CPE: variants seen among roughly 807,000 people sequenced by gnomAD.
The protein encoded by CPE is carbocypeptidase E.
In CPE, 17 loss-of-function variants were observed where a neutral mutation model predicts 53.5. The ratio of observed to expected loss-of-function variants is 0.32; its 90% CI spans 0.22 to 0.48. The LOEUF (loss-of-function observed/expected upper bound fraction) is 0.48. Ranked by LOEUF, CPE falls within the 20% of genes least tolerant of loss-of-function variation. The pLI, the probability that CPE is intolerant of heterozygous loss-of-function variation, is 0.99. For missense variants in CPE, 524 were observed against 614.7 expected, an observed-to-expected ratio of 0.85 and a Z score of 1.56; for synonymous variants, 226 against 228.8, an observed-to-expected ratio of 0.99 and a Z score of 0.11.
intron 6 of CPE, among the ~76,000 whole-genome samples, chr4:165,490,294 G>C (rs933500884): frequency 6.6e-6 from 1 of 152,176 alleles, no homozygotes; most frequent in Non-Finnish European, 1.5e-5. Flanking sequence ...CCACTCAGTA[G>C]CTTTGAAAGA....
At chr4:165,442,951 G>A (rs1213479025) in intron 1 of CPE, among the ~76,000 whole-genome samples, 1 of 152,176 alleles carries the variant, frequency 6.6e-6, no homozygotes, top group African/African-American at 2.4e-5. Flanking sequence ...GGAGACTTTA[G>A]ATTTCATGAA....
chr4:165,456,590 G>A (rs186881756), intron 1 of CPE, among the ~76,000 whole-genome samples: 1 of 150,610 alleles, frequency 6.6e-6, no homozygotes, highest in Admixed American at 6.6e-5. Flanking sequence ...TTGTTTCGAC[G>A]GAGTCTTGCT....
At chr4:165,493,580 G>T (rs976901955) in intron 7 of CPE, among the ~76,000 whole-genome samples, 2 of 152,202 alleles carry the variant, frequency 1.3e-5, no homozygotes, top group African/African-American at 4.8e-5. Flanking sequence ...CAAAGGAAAA[G>T]GAGCTGCTGG....
At chr4:165,427,380 C>T (rs1235338452) in intron 1 of CPE, among the ~76,000 whole-genome samples, 1 of 137,144 alleles carries the variant, frequency 7.3e-6, no homozygotes, top group African/African-American at 2.7e-5. Context: ...ATAATTTTGT[C>T]CAACCTTTTT....
intron 5 of CPE, among the ~76,000 whole-genome samples, chr4:165,487,180 G>C (rs1442018320): frequency 1.3e-5 from 2 of 152,170 alleles, no homozygotes; most frequent in Non-Finnish European, 2.9e-5. Context: ...TGGAAGGTGG[G>C]TAATGTCTGC....
intron 1 of CPE, among the ~76,000 whole-genome samples, chr4:165,445,766 A>G (rs1243543612): frequency 6.6e-6 from 1 of 152,140 alleles, no homozygotes; most frequent in African/African-American, 2.4e-5. Flanking sequence ...CAAAAATATT[A>G]TTTTCGGTTC....
chr4:165,491,226 A>C (rs1216279840), intron 6 of CPE, among the ~76,000 whole-genome samples: 1 of 152,382 alleles, frequency 6.6e-6, no homozygotes. Context: ...ATTTCTGCCT[A>C]ATACAGGCAA....
In CPE at chr4:165,379,576, C is replaced by T; in HGVS notation, c.307+48C>T. 2 of 665,220 alleles carry T rather than the reference C, an allele frequency of 3.0e-6. No individual in the cohort carries two copies. The highest frequency in any genetic ancestry group is 6.2e-5 in the South Asian group (2 of 32,070). The allele number at this position is 665,220 out of a possible 1,614,324, so 41.2% of individuals were successfully genotyped here. On this transcript the variant is annotated intron_variant, in intron 1 of 8. Transcript: ENST00000402744. This position sits in a 1 kb window ranked among gnomAD's most constrained non-coding sequence, Gnocchi z 6.0. ...GCCCTGGGGGCATCCCGGAGGGGGGCGGCAGAGGGTGGGACTGGTGGCGGT... is the reference window on the plus strand; with the variant it reads ...GCCCTGGGGGCATCCCGGAGGGGGGTGGCAGAGGGTGGGACTGGTGGCGGT...
At chr4:165,417,763 A>G (rs1731148658) in intron 1 of CPE, among the ~76,000 whole-genome samples, 1 of 147,364 alleles carries the variant, frequency 6.8e-6, no homozygotes, top group Non-Finnish European at 1.5e-5. Flanking sequence ...CAACTTTAAT[A>G]TTTTGTCTGT....
chr4:165,453,194 G>A (rs533680378), intron 1 of CPE, among the ~76,000 whole-genome samples: 5 of 152,048 alleles, frequency 3.3e-5, no homozygotes, highest in Admixed American at 1.3e-4. Context: ...TCCTGACCTC[G>A]TGATCCGCCC....
chr4:165,433,837 C>T (rs1731453114), intron 1 of CPE, among the ~76,000 whole-genome samples: 1 of 152,162 alleles, frequency 6.6e-6, no homozygotes, highest in Non-Finnish European at 1.5e-5. Flanking sequence ...TGCTGCTGCT[C>T]AAGGACATGC....
In CPE at chr4:165,409,953, C is replaced by CA. The variant is rs964578680; in HGVS notation, c.307+30433dup. On this transcript the variant is annotated intron_variant, in intron 1 of 8. Coordinates refer to ENST00000402744, the MANE Select transcript of CPE (RefSeq NM_001873.4). Reference sequence around the variant, plus strand: ...AACACAAAAAACACAGACAAACAAACAAAAAAAACAGAGGCCAGGTGCAGT... The same window carrying CA: ...AACACAAAAAACACAGACAAACAAACAAAAAAAAACAGAGGCCAGGTGCAGT... Among the ~76,000 whole-genome samples the CA allele has an allele frequency of 1.5e-4, 22 of 151,302 alleles. No homozygotes were observed. The South Asian group carries it at 1.5e-3, about 10-fold the overall frequency.
chr4:165,420,098 C>T (rs1731183858), intron 1 of CPE, among the ~76,000 whole-genome samples: 1 of 151,952 alleles, frequency 6.6e-6, no homozygotes, highest in East Asian at 1.9e-4. Flanking sequence ...TCTCAAAGGG[C>T]TAGTGCTATC....
At chr4:165,406,208 C>T (rs562553860) in intron 1 of CPE, 14 of 669,600 alleles carry the variant, frequency 2.1e-5, no homozygotes, top group Non-Finnish European at 2.6e-5. Context: ...CTATCACATC[C>T]CCTTTGACTC....
intron 1 of CPE, among the ~76,000 whole-genome samples, chr4:165,415,519 T>A (rs892088817): frequency 2.6e-5 from 4 of 152,190 alleles, no homozygotes; most frequent in African/African-American, 9.6e-5. Context: ...ATTTTCACTA[T>A]GAGTAAAAGC....
intron 1 of CPE, among the ~76,000 whole-genome samples, chr4:165,425,176 C>T (rs911599319): frequency 1.3e-5 from 2 of 152,090 alleles, no homozygotes; most frequent in East Asian, 1.9e-4. Flanking sequence ...CTGTGCCAGG[C>T]GGAAACTTCT....
In CPE at chr4:165,422,117, A is replaced by C. The variant is rs554284658; in HGVS notation, c.308-42273A>C. 6.6e-5 allele frequency among the ~76,000 whole-genome samples: 10 copies of C among 152,280 alleles called. No individual in the cohort carries two copies. In the East Asian group the frequency reaches 1.9e-3, roughly 29 times the overall value. On this transcript the variant is annotated intron_variant, in intron 1 of 8. Transcript: ENST00000402744. ...TATTCAATGATTAAAAGAACTTAAA[A>C]ATAAAGAACTTATTTGTGTAGAGGA...
intron 1 of CPE, among the ~76,000 whole-genome samples, chr4:165,415,460 A>G (rs1038588075): frequency 3.3e-5 from 5 of 152,150 alleles, no homozygotes; most frequent in African/African-American, 9.7e-5. Flanking sequence ...TCTTAGCATT[A>G]TTTCCTTTAA....
Position 165,396,034 on chromosome 4 carries a change from G to C in CPE, c.307+16506G>C, listed in dbSNP as rs188105353. 3.9e-3 allele frequency among the ~76,000 whole-genome samples: 589 copies of C among 152,134 alleles called. 4 individuals are homozygous for C. Among genetic ancestry groups the C allele is most frequent in the African/African-American group, 0.013 (546 of 41,484 alleles). The stretch of plus-strand genomic sequence containing the variant: ...GCCCTAAAGAAGTTTCATTTGCTTT[G>C]ATCTTTTTTTTCCTCCCTCCTCTAA... On this transcript the variant is annotated intron_variant, in intron 1 of 8. Transcript: ENST00000402744.
Sources: allele counts gnomAD v4.1 joint callset (sites outside exome capture counted in the v4.1 genomes callset), GRCh38; gene constraint gnomAD v4.1.1; non-coding constraint Gnocchi (gnomAD v3.1); transcripts MANE v1.5; gene names NCBI Gene and HGNC (gene_info 2026-07-23, HGNC 2026-07-21).